Variants in DDHD2 observed in about 807,000 individuals in gnomAD.
DDHD2 encodes triacylglycerol hydrolase DDHD2.
In DDHD2, 62 loss-of-function variants were observed where a neutral mutation model predicts 91.2. The observed-to-expected ratio is 0.68, with a 90% CI of 0.55 to 0.84. The LOEUF is 0.84. Among genes scored for constraint, DDHD2 ranks in the 40% least tolerant of loss-of-function variants. The pLI, the probability that DDHD2 is intolerant of heterozygous loss-of-function variation, is 0.00. For synonymous variants in DDHD2, 271 were observed against 293.9 expected (o/e 0.92, Z 0.80); for missense variants, 740 against 846.9 (o/e 0.87, Z 1.57).
downstream of DDHD2, chr8:38,264,099 C>T: frequency 1.0e-6 from 1 of 994,614 alleles, no homozygotes. Context: ...TTGTCTTGTG[C>T]ATGGTCCGGT....
At chr8:38,249,189 T>C (rs1805907195) in intron 10 of DDHD2, among the ~76,000 whole-genome samples, 1 of 151,830 alleles carries the variant, frequency 6.6e-6, no homozygotes, top group Non-Finnish European at 1.5e-5. Context: ...CTCGGCTCAC[T>C]GCAAGCTCTG....
chr8:38,262,808 C>CA lies in DDHD2; in HGVS notation c.*2238dup, dbSNP rs1807137139. The CA allele has an allele frequency of 6.6e-6, 1 of 152,142 alleles. No individual in the cohort carries two copies. Among genetic ancestry groups the CA allele is most frequent in the African/African-American group, 2.4e-5 (1 of 41,424 alleles). The allele number at this position is 152,142 out of a possible 1,614,324, so 9.4% of individuals were successfully genotyped here. Reference sequence around the variant, plus strand: ...TACTTTTACCTGGACTCACCCGTCTCAAAGTCAAGAAAATCAGTACAGTCA... The same window carrying CA: ...TACTTTTACCTGGACTCACCCGTCTCAAAAGTCAAGAAAATCAGTACAGTCA... On this transcript the variant is annotated 3_prime_UTR_variant, in exon 18 of 18. Coordinates refer to ENST00000397166, the MANE Select transcript of DDHD2 (RefSeq NM_015214.3).
At chr8:38,244,785 C>CG (rs1805498166) in intron 7 of DDHD2, among the ~76,000 whole-genome samples, 1 of 137,480 alleles carries the variant, frequency 7.3e-6, no homozygotes, top group Non-Finnish European at 1.6e-5. Context: ...AGACTGGTCT[C>CG]GAACTTTGGA....
At chr8:38,264,902 G>C, downstream of DDHD2, 1 of 1,612,696 alleles carries the variant, frequency 6.2e-7, no homozygotes, top group Non-Finnish European at 8.5e-7. Context: ...GAGTAACAAA[G>C]GTCCACTTAT....
chr8:38,267,485 T>A, downstream of DDHD2: 2 of 1,437,374 alleles, frequency 1.4e-6, no homozygotes, highest in Non-Finnish European at 1.9e-6. Flanking sequence ...TAACTATTGG[T>A]CAAATAGTGC....
chr8:38,235,834 A>G (rs1804679593), intron 3 of DDHD2, among the ~76,000 whole-genome samples: 1 of 151,288 alleles, frequency 6.6e-6, no homozygotes, highest in Admixed American at 6.7e-5. Flanking sequence ...AGCCTGGGCA[A>G]CAAAGCAAGA....
At chr8:38,268,793 A>C (rs991642500) in intron 1 of DDHD2, 4 of 1,446,820 alleles carry the variant, frequency 2.8e-6, no homozygotes, top group Non-Finnish European at 3.6e-6. Flanking sequence ...GTGGGTCCCT[A>C]CAAAGGCCGT....
chr8:38,259,380 C>T (rs911632769), intron 16 of DDHD2, among the ~76,000 whole-genome samples: 5 of 151,394 alleles, frequency 3.3e-5, no homozygotes, highest in African/African-American at 9.7e-5. Flanking sequence ...GCTGCCACGC[C>T]TGGCTAGTTT....
At chr8:38,253,835 T>C in intron 16 of DDHD2, 117 bp downstream of exon 16, 3 of 1,034,752 alleles carry the variant, frequency 2.9e-6, no homozygotes, top group East Asian at 2.4e-5. Context: ...ATCTCAGCAC[T>C]TTGGGAGGCC....
chr8:38,266,822 T>A (rs971088712), downstream of DDHD2, among the ~76,000 whole-genome samples: 3 of 152,212 alleles, frequency 2.0e-5, no homozygotes, highest in Admixed American at 2.0e-4. Context: ...TGAGTATAGT[T>A]TTCGGTATAC....
At chr8:38,247,535 A>G in intron 9 of DDHD2, 178 bp from the exon 10 acceptor site, 1 of 390,784 alleles carries the variant, frequency 2.6e-6, no homozygotes, top group Non-Finnish European at 4.5e-6. Flanking sequence ...CTTTAAAAAC[A>G]TATTTTCAAT....
Position 38,242,289 on chromosome 8 carries a change from C to T in DDHD2, c.752C>T (p.Thr251Ile), listed in dbSNP as rs759666782. ...FRSVSLNLLQ[T>I]HFKKAQENQQ... The stretch of plus-strand genomic sequence containing the variant: ...AGTGTTTCCTTGAACTTGCTACAGA[C>T]ACATTTTAAGAAAGCCCAAGAAAAT... The change falls in exon 7 of 18, where the codon ACA becomes ATA. Residue 251 changes from threonine (T) to isoleucine (I), a missense_variant. Physicochemically the swap from Thr to Ile is moderately conservative, Grantham distance 89. This residue lies in a region of DDHD2 where 693 missense variants were observed against 764.2 expected (regional missense o/e 0.91). Coordinates refer to ENST00000397166, the MANE Select transcript of DDHD2 (RefSeq NM_015214.3). 1.1e-5 allele frequency: 17 copies of T among 1,603,158 alleles called. No individual in the cohort carries two copies. Among genetic ancestry groups the T allele is most frequent in the Non-Finnish European group, 1.4e-5 (16 of 1,177,214 alleles).
Position 38,253,632 on chromosome 8 carries a change from C to G in DDHD2, c.1968C>G (p.Gly656=). The change falls in exon 16 of 18, where the codon GGC becomes GGG. Residue 656 remains glycine, a synonymous_variant. Transcript: ENST00000397166. ...TCAATGTGGGGATGCTGAATGGAGG[C>G]CAACGCATTGACTATGTGCTACAGG... ...LPINVGMLNG[G]QRIDYVLQEK... is the part of the protein sequence containing the mutation. 6.2e-7 allele frequency: 1 copy of G among 1,613,778 alleles called. No homozygotes were observed. The highest frequency in any genetic ancestry group is 8.5e-7 in the Non-Finnish European group (1 of 1,179,704).
intron 1 of DDHD2, chr8:38,268,421 G>T: frequency 6.3e-7 from 1 of 1,577,910 alleles, no homozygotes; most frequent in Non-Finnish European, 8.6e-7. Flanking sequence ...GAGAAATTTG[G>T]CCAGGAAGAT....
downstream of DDHD2, chr8:38,264,124 C>G: frequency 9.9e-7 from 1 of 1,009,934 alleles, no homozygotes; most frequent in Non-Finnish European, 1.2e-6. Context: ...AGGGCTAGTT[C>G]ACCTGTTCTC....
chr8:38,238,636 A>G, intron 5 of DDHD2: 1 of 979,928 alleles, frequency 1.0e-6, no homozygotes, highest in Non-Finnish European at 1.2e-6. Context: ...AATATATTTA[A>G]TTGGATTATA....
chr8:38,248,337 ATG>A lies in DDHD2; in HGVS notation c.1248+507_1248+508del, dbSNP rs148660925. On this transcript the variant is annotated intron_variant, in intron 10 of 17. Coordinates refer to ENST00000397166, the MANE Select transcript of DDHD2 (RefSeq NM_015214.3). Reference sequence around the variant, plus strand: ...TGGCCTCCCAAAGTGCTGGGATTACATGTGTGAGCCACCGTGCCCAGCCAGCT... The same window carrying A: ...TGGCCTCCCAAAGTGCTGGGATTACATGTGAGCCACCGTGCCCAGCCAGCT... Among the ~76,000 whole-genome samples the A allele has an allele frequency of 7.1e-3, 1,055 of 148,248 alleles. 7 individuals are homozygous for A. Among genetic ancestry groups the A allele is most frequent in the African/African-American group, 0.025 (1,006 of 40,240 alleles).
downstream of DDHD2, chr8:38,264,946 G>A: frequency 6.2e-7 from 1 of 1,604,420 alleles, no homozygotes; most frequent in South Asian, 1.1e-5. Context: ...CCATTTAAAG[G>A]GTCCTAGAGG....
At chr8:38,248,064 A>G (rs1805786041) in intron 10 of DDHD2, among the ~76,000 whole-genome samples, 1 of 152,264 alleles carries the variant, frequency 6.6e-6, no homozygotes, top group Non-Finnish European at 1.5e-5. Flanking sequence ...CAGACTAACC[A>G]GTACGGCTCA....
Sources: gnomAD v4.1 joint callset for allele counts (sites outside exome capture counted in the v4.1 genomes callset) on GRCh38, gnomAD v4.1.1 for gene constraint, gnomAD v4.1.1 regional missense constraint, MANE v1.5 for transcripts, NCBI Gene and HGNC (gene_info 2026-07-23, HGNC 2026-07-21) for gene names.